The following RNF217 variants were observed in gnomAD, a reference collection of about 807,000 sequenced individuals.
RNF217 encodes E3 ubiquitin-protein ligase RNF217.
In RNF217, 31 loss-of-function variants were observed where a neutral mutation model predicts 57.8. That is an observed-to-expected ratio of 0.54 (90% CI 0.40 to 0.72). RNF217 has a LOEUF of 0.72. Among genes scored for constraint, RNF217 ranks in the 30% least tolerant of loss-of-function variants. The pLI is 0.00. For synonymous variants in RNF217, 313 were observed against 294.0 expected, an observed-to-expected ratio of 1.06 and a Z score of -0.66; for missense variants, 696 against 708.3, an observed-to-expected ratio of 0.98 and a Z score of 0.20.
intron 1 of RNF217, among the ~76,000 whole-genome samples, chr6:124,965,249 A>T (rs144101351): frequency 6.6e-6 from 1 of 152,138 alleles, no homozygotes; most frequent in Non-Finnish European, 1.5e-5. Context: ...CCTTCTTCCA[A>T]AGTATTTGCT....
intron 1 of RNF217, among the ~76,000 whole-genome samples, chr6:125,029,316 T>A: frequency 6.6e-6 from 1 of 152,334 alleles, no homozygotes; most frequent in Non-Finnish European, 1.5e-5. Context: ...TATATTCTTT[T>A]ATTTTTTCAT....
rs1212504664 is a variant in RNF217 at position 125,090,940 on chromosome 6, G to C, written c.*8003G>C. 6.6e-6 allele frequency: 1 copy of C among 151,968 alleles called. No individual in the cohort carries two copies. The highest frequency in any genetic ancestry group is 2.1e-4 in the South Asian group (1 of 4,824). 9.4% of individuals were successfully genotyped at this position (151,968 alleles called of 1,614,324 possible). On this transcript the variant is annotated 3_prime_UTR_variant, in exon 6 of 6. Transcript: ENST00000521654. The stretch of plus-strand genomic sequence containing the variant: ...TTATATTTTATGAAAGAGAGGGGTA[G>C]AGTAAATTTTTTAATTAGACAATGT...
Position 124,962,466 on chromosome 6 carries a change from A to T in RNF217, c.-79A>T. On this transcript the variant is annotated 5_prime_UTR_variant, in exon 1 of 6. Transcript: ENST00000521654. This position sits in a 1 kb window ranked among gnomAD's most constrained non-coding sequence, Gnocchi z 4.6. ...GCGGAGCCGCGAGTCGAGCCGAGCC[A>T]CTGCCCCCGCTGCCCGCGGGCGCCG... 3.4e-6 allele frequency: 2 copies of T among 591,768 alleles called. No individual in the cohort carries two copies. The highest frequency in any genetic ancestry group is 4.5e-6 in the Non-Finnish European group (2 of 442,580). The allele number at this position is 591,768 out of a possible 1,614,324, so 36.7% of individuals were successfully genotyped here.
intron 1 of RNF217, among the ~76,000 whole-genome samples, chr6:125,020,023 G>A (rs1323938691): frequency 6.6e-6 from 1 of 152,128 alleles, no homozygotes; most frequent in African/African-American, 2.4e-5. Flanking sequence ...GGGGCCAGGT[G>A]CTGGTCTCTC....
intron 1 of RNF217, among the ~76,000 whole-genome samples, chr6:125,023,139 C>T (rs570844950): frequency 2.7e-4 from 41 of 152,194 alleles, no homozygotes; most frequent in Non-Finnish European, 5.0e-4. Flanking sequence ...TCACCTGATA[C>T]AGTTTTGAGG....
At chr6:125,032,414 G>A (rs1202366430) in intron 1 of RNF217, among the ~76,000 whole-genome samples, 1 of 151,914 alleles carries the variant, frequency 6.6e-6, no homozygotes, top group Non-Finnish European at 1.5e-5. Flanking sequence ...TTTACTGTCA[G>A]TTCTGCATCT....
At chr6:125,019,494 T>C (rs758464504) in intron 1 of RNF217, among the ~76,000 whole-genome samples, 1 of 152,332 alleles carries the variant, frequency 6.6e-6, no homozygotes, top group Non-Finnish European at 1.5e-5. Context: ...ACAATATATA[T>C]GTTATTCTTA....
intron 1 of RNF217, among the ~76,000 whole-genome samples, chr6:124,973,338 A>G (rs757292959): frequency 2.0e-5 from 3 of 152,014 alleles, no homozygotes; most frequent in South Asian, 2.1e-4. Context: ...TCACCACCTG[A>G]GTTAGTCCTG....
At chr6:125,041,078 T>C (rs1471360492) in intron 1 of RNF217, among the ~76,000 whole-genome samples, 1 of 152,152 alleles carries the variant, frequency 6.6e-6, no homozygotes, top group Non-Finnish European at 1.5e-5. Flanking sequence ...ATGATCTTTG[T>C]TCTGACTTCT....
rs144239933 is a variant in RNF217, at chr6:125,081,075, CTTCT to C, written c.1484-355_1484-352del. 5.2e-3 allele frequency among the ~76,000 whole-genome samples: 791 copies of C among 152,150 alleles called. 6 individuals carry two copies. Among genetic ancestry groups the C allele is most frequent in the South Asian group, 0.023 (113 of 4,816 alleles). On this transcript the variant is annotated intron_variant, in intron 4 of 5. Transcript: ENST00000521654. ...TCTCCTACCAACTCAAAATGTGCCA[CTTCT>C]TTCTTAATCTTTTAGCATTGCGAAC... is the stretch of plus-strand genomic sequence containing the variant.
At chr6:125,075,729 A>G (rs1405875129) in intron 3 of RNF217, among the ~76,000 whole-genome samples, 2 of 152,298 alleles carry the variant, frequency 1.3e-5, no homozygotes, top group South Asian at 2.1e-4. Context: ...AAGTTAAACT[A>G]TGTTGTCTTT....
At chr6:125,007,330 C>G (rs1408442449) in intron 1 of RNF217, among the ~76,000 whole-genome samples, 1 of 151,448 alleles carries the variant, frequency 6.6e-6, no homozygotes, top group Non-Finnish European at 1.5e-5. Flanking sequence ...ACCGCAACCT[C>G]TGCCTCCTGG....
At position 124,963,048 on chromosome 6, in the gene RNF217, C is replaced by T. The variant is rs1220023068; in HGVS notation, c.504C>T (p.Cys168=). ...GACAAGTCTTCTGCTCCGTGTACTGCGTGGAGAGCGACCTGCCCGAGGCCC... is the reference window on the plus strand; with the variant it reads ...GACAAGTCTTCTGCTCCGTGTACTGTGTGGAGAGCGACCTGCCCGAGGCCC... ...AKRQVFCSVY[C]VESDLPEAPA... is the part of the protein sequence containing the mutation. Residue 168 remains cysteine, a synonymous_variant, in exon 1 of 6, where the codon TGC becomes TGT. Coordinates refer to ENST00000521654, the MANE Select transcript of RNF217 (RefSeq NM_001286398.3). The T allele has an allele frequency of 5.1e-6, 8 of 1,580,358 alleles. No individual in the cohort carries two copies. Among genetic ancestry groups the T allele is most frequent in the Non-Finnish European group, 6.8e-6 (8 of 1,171,530 alleles).
Position 125,058,091 on chromosome 6 carries a change from G to A in RNF217, c.1266G>A (p.Lys422=). The A allele has an allele frequency of 1.2e-6, 2 of 1,611,682 alleles. No homozygotes were observed. The highest frequency in any genetic ancestry group is 1.7e-6 in the Non-Finnish European group (2 of 1,178,814). ...AGCATGGGCAGAGGAATGCCCAGAA[G>A]TGTCCAAAGTGCAAGGTGAGATAAC... is the stretch of plus-strand genomic sequence containing the variant. ...EIEHGQRNAQ[K]CPKCKIHIQR... is the part of the protein sequence containing the mutation. Residue 422 remains lysine (K), a synonymous_variant, in exon 3 of 6, where the codon AAG becomes AAA. Coordinates refer to ENST00000521654, the MANE Select transcript of RNF217 (RefSeq NM_001286398.3).
At chr6:125,053,532 A>G (rs1787407898) in intron 2 of RNF217, among the ~76,000 whole-genome samples, 1 of 152,132 alleles carries the variant, frequency 6.6e-6, no homozygotes, top group African/African-American at 2.4e-5. Flanking sequence ...TTTGTGATTT[A>G]TTTAAAATAA....
chr6:125,067,343 G>A (rs1348671779), intron 3 of RNF217, among the ~76,000 whole-genome samples: 1 of 152,132 alleles, frequency 6.6e-6, no homozygotes, highest in Non-Finnish European at 1.5e-5. Flanking sequence ...GAGAGTAGTG[G>A]TATCAGATTT....
At chr6:124,963,812 G>C (rs1783413963) in intron 1 of RNF217, among the ~76,000 whole-genome samples, 1 of 152,222 alleles carries the variant, frequency 6.6e-6, no homozygotes, top group Non-Finnish European at 1.5e-5. Flanking sequence ...TATGGAGCTG[G>C]TGGAGAAAAG....
intron 2 of RNF217, among the ~76,000 whole-genome samples, chr6:125,049,612 T>A (rs1787230802): frequency 6.6e-6 from 1 of 152,040 alleles, no homozygotes; most frequent in African/African-American, 2.4e-5. Flanking sequence ...AGTACCTATG[T>A]CATAAGAATG....
At chr6:124,981,441 A>G (rs1784156625) in intron 1 of RNF217, among the ~76,000 whole-genome samples, 1 of 152,170 alleles carries the variant, frequency 6.6e-6, no homozygotes, top group African/African-American at 2.4e-5. Context: ...ATCAATCAGT[A>G]TGTGACCAAA....
Sources: gnomAD v4.1 joint callset for allele counts (sites outside exome capture counted in the v4.1 genomes callset) on GRCh38, gnomAD v4.1.1 for gene constraint, Gnocchi (gnomAD v3.1) non-coding constraint, MANE v1.5 for transcripts, NCBI Gene and HGNC (gene_info 2026-07-23, HGNC 2026-07-21) for gene names.